The following KATNIP variants were observed in gnomAD, a reference collection of about 807,000 sequenced individuals.
The protein encoded by KATNIP is katanin interacting protein, also known as katanin-interacting protein.
In KATNIP, 126 loss-of-function variants were observed where a neutral mutation model predicts 174.0. The ratio of observed to expected loss-of-function variants is 0.72; its 90% CI spans 0.63 to 0.84. The LOEUF is 0.84. Ranked by LOEUF, KATNIP falls within the 40% of genes least tolerant of loss-of-function variation. The pLI, the probability that KATNIP is intolerant of heterozygous loss-of-function variation, is 0.00. For synonymous variants in KATNIP, 810 were observed against 835.7 expected, an observed-to-expected ratio of 0.97 and a Z score of 0.53; for missense variants, 1,958 against 2,109.7, an observed-to-expected ratio of 0.93 and a Z score of 1.41.
intron 3 of KATNIP, among the ~76,000 whole-genome samples, chr16:27,619,594 G>T (rs1232691610): frequency 2.0e-5 from 3 of 152,140 alleles, no homozygotes; most frequent in Admixed American, 2.0e-4. Context: ...TTGGTGGCAT[G>T]TTGCATGGGA....
intron 1 of KATNIP, 62 bp downstream of exon 1, chr16:27,550,239 G>A: frequency 6.4e-7 from 1 of 1,571,716 alleles, no homozygotes; most frequent in Non-Finnish European, 8.7e-7. Flanking sequence ...TCCCGACCGC[G>A]CTTTGGGCAG....
At chr16:27,669,494 T>A (rs993054255) in intron 6 of KATNIP, among the ~76,000 whole-genome samples, 1 of 152,240 alleles carries the variant, frequency 6.6e-6, no homozygotes, top group Non-Finnish European at 1.5e-5. Flanking sequence ...CTATAAAGTA[T>A]GTTTTTTCAG....
intron 6 of KATNIP, among the ~76,000 whole-genome samples, chr16:27,676,447 C>T (rs987373219): frequency 5.3e-5 from 8 of 152,126 alleles, no homozygotes; most frequent in African/African-American, 1.4e-4. Context: ...TTCCTCACTT[C>T]CTCCTGAGCC....
At chr16:27,565,365 C>G (rs2090044172) in intron 1 of KATNIP, among the ~76,000 whole-genome samples, 1 of 150,978 alleles carries the variant, frequency 6.6e-6, no homozygotes. Flanking sequence ...ACTTGGGAGG[C>G]TGAGGTGGGA....
intron 5 of KATNIP, among the ~76,000 whole-genome samples, chr16:27,640,299 A>G (rs886671665): frequency 1.3e-5 from 2 of 152,254 alleles, no homozygotes; most frequent in African/African-American, 4.8e-5. Context: ...ACTCAGGTAC[A>G]GCAGCGTGCC....
intron 14 of KATNIP, among the ~76,000 whole-genome samples, chr16:27,736,009 T>G (rs1421222610): frequency 1.3e-5 from 2 of 152,274 alleles, no homozygotes; most frequent in East Asian, 3.9e-4. Context: ...AGTAATTTAT[T>G]TATTTATTTT....
At chr16:27,765,825 T>TTAAC (rs1314064325) in intron 19 of KATNIP, among the ~76,000 whole-genome samples, 1 of 152,214 alleles carries the variant, frequency 6.6e-6, no homozygotes, top group Non-Finnish European at 1.5e-5. Flanking sequence ...TGATGGCACC[T>TTAAC]TAACCCCTGT....
chr16:27,708,754 C>G lies in KATNIP; in HGVS notation c.1439C>G (p.Thr480Ser). 4.3e-6 allele frequency: 7 copies of G among 1,613,806 alleles called. No homozygotes were observed. Among genetic ancestry groups the G allele is most frequent in the Non-Finnish European group, 5.9e-6 (7 of 1,180,002 alleles). The change falls in exon 13 of 28, where the codon ACC becomes AGC. Residue 480 changes from threonine to serine, a missense_variant. Physicochemically the swap from Thr to Ser is moderately conservative, Grantham distance 58. Coordinates refer to ENST00000261588, the MANE Select transcript of KATNIP (RefSeq NM_015202.5). ...ADEIKDAIYV[T>S]MEILSNWGNS... Reference sequence around the variant, plus strand: ...GAGATCAAAGATGCCATCTACGTGACCATGGAGATCCTGTCCAACTGGGGC... The same window carrying G: ...GAGATCAAAGATGCCATCTACGTGAGCATGGAGATCCTGTCCAACTGGGGC...
At position 27,777,030 on chromosome 16, in the gene KATNIP, G is replaced by C; in HGVS notation, c.4551+1G>C. The C allele has an allele frequency of 1.3e-6, 2 of 1,593,402 alleles. No homozygotes were observed. Among genetic ancestry groups the C allele is most frequent in the Non-Finnish European group, 1.7e-6 (2 of 1,161,956 alleles). On this transcript the variant is annotated splice_donor_variant, in intron 25 of 27. Coordinates refer to ENST00000261588, the MANE Select transcript of KATNIP (RefSeq NM_015202.5). LOFTEE classifies it high-confidence loss of function. This position sits in a 1 kb window ranked among gnomAD's most constrained non-coding sequence, Gnocchi z 4.4. ...CCATCGAGGGGTGAAGGAGTTTGGC[G>C]TAAGTACTTATTAGCTGAGTTTTTT...
Position 27,701,507 on chromosome 16 carries a change from C to G in KATNIP, c.1180-82C>G, listed in dbSNP as rs1373552674. 10 of 1,043,574 alleles carry G rather than the reference C, an allele frequency of 9.6e-6. No homozygotes were observed. The East Asian group carries it at 2.4e-4, about 25-fold the overall frequency. 64.6% of individuals were successfully genotyped at this position (1,043,574 alleles called of 1,614,324 possible). ...AAAGGGACTGTCAGCCTGAGCATGC[C>G]TGCCCTTGACCGTGACCCTGCTGTG... On this transcript the variant is annotated intron_variant, in intron 10 of 27. Coordinates refer to ENST00000261588, the MANE Select transcript of KATNIP (RefSeq NM_015202.5).
chr16:27,691,574 G>A (rs114257692), intron 8 of KATNIP, among the ~76,000 whole-genome samples: 1,628 of 152,316 alleles, frequency 0.011, 27 homozygotes, highest in African/African-American at 0.034. Context: ...ACGTGTGTGC[G>A]GTGTGAGGGA....
At chr16:27,698,587 AAG>A (rs1225328286) in intron 9 of KATNIP, 87 bp downstream of exon 9, 34 of 1,363,448 alleles carry the variant, frequency 2.5e-5, no homozygotes, top group Non-Finnish European at 3.0e-5. Context: ...AAGTGTGCAG[AAG>A]AGAGAGGTGT....
At chr16:27,580,713 TTTTTCA>T (rs2090667418) in intron 2 of KATNIP, among the ~76,000 whole-genome samples, 1 of 151,886 alleles carries the variant, frequency 6.6e-6, no homozygotes, top group Non-Finnish European at 1.5e-5. Context: ...TTTTTTTTTT[TTTTTCA>T]TTTAACAACA....
chr16:27,757,515 C>T, intron 18 of KATNIP: 1 of 985,442 alleles, frequency 1.0e-6, no homozygotes, highest in Non-Finnish European at 1.2e-6. Flanking sequence ...AGATGTGTTT[C>T]CTGCTGACCC....
Position 27,774,998 on chromosome 16 carries a change from G to A in KATNIP, c.4363G>A (p.Val1455Ile), listed in dbSNP as rs201599601. The A allele has an allele frequency of 1.5e-5, 24 of 1,613,728 alleles. No homozygotes were observed. Among genetic ancestry groups the A allele is most frequent in the East Asian group, 1.1e-4 (5 of 44,826 alleles). Residue 1455 changes from valine to isoleucine, a missense_variant, in exon 24 of 28, where the codon GTC becomes ATC. By Grantham distance (29) the Val-to-Ile change is conservative (BLOSUM62 3). Transcript: ENST00000261588. Reference protein sequence around the residue: ...VNSLEGVGGDVRTPDKLIDQV... With the variant: ...VNSLEGVGGDIRTPDKLIDQV... Reference sequence around the variant, plus strand: ...CTCCCTGGAGGGTGTGGGCGGGGACGTCCGCACCCCAGACAAGCTCATCGA... The same window carrying A: ...CTCCCTGGAGGGTGTGGGCGGGGACATCCGCACCCCAGACAAGCTCATCGA...
chr16:27,591,248 G>A (rs1471493651), intron 2 of KATNIP, among the ~76,000 whole-genome samples: 6 of 151,560 alleles, frequency 4.0e-5, no homozygotes, highest in African/African-American at 9.7e-5. Context: ...GCAGTGGTGC[G>A]ATCTTGGCTC....
intron 5 of KATNIP, among the ~76,000 whole-genome samples, chr16:27,631,436 T>C (rs2076486332): frequency 6.6e-6 from 1 of 151,792 alleles, no homozygotes; most frequent in Non-Finnish European, 1.5e-5. Flanking sequence ...TCCCAGCTAC[T>C]CAGGAGGCTG....
At position 27,778,922 on chromosome 16, in the gene KATNIP, C is replaced by A; in HGVS notation, c.*293C>A. On this transcript the variant is annotated 3_prime_UTR_variant, in exon 28 of 28. Coordinates refer to ENST00000261588, the MANE Select transcript of KATNIP (RefSeq NM_015202.5). ...GACCCAGCAAAGCAGGGCCCATGAC[C>A]ACTAGGGCCTGGGCTGACCCTGACT... 2.6e-6 allele frequency: 1 copy of A among 379,996 alleles called. No homozygotes were observed. The highest frequency in any genetic ancestry group is 4.7e-6 in the Non-Finnish European group (1 of 212,458). 23.5% of individuals were successfully genotyped at this position (379,996 alleles called of 1,614,324 possible).
intron 5 of KATNIP, among the ~76,000 whole-genome samples, chr16:27,634,549 C>T (rs533123495): frequency 6.6e-6 from 1 of 152,324 alleles, no homozygotes; most frequent in South Asian, 2.1e-4. Context: ...CAGGGAGTTA[C>T]TGCCCCAGCT....
Sources: allele counts gnomAD v4.1 joint callset (sites outside exome capture counted in the v4.1 genomes callset), GRCh38; gene constraint gnomAD v4.1.1; non-coding constraint Gnocchi (gnomAD v3.1); transcripts MANE v1.5; gene names NCBI Gene and HGNC (gene_info 2026-07-23, HGNC 2026-07-21).